The following ALG1 variants were observed in gnomAD, a reference collection of about 807,000 sequenced individuals.
The protein encoded by ALG1 is chitobiosyldiphosphodolichol beta-mannosyltransferase.
ALG1 carries 58 observed loss-of-function variants against 55.1 expected under a neutral mutation model. The ratio of observed to expected loss-of-function variants is 1.05; its 90% confidence interval spans 0.85 to 1.31. The LOEUF is 1.31. Ranked by LOEUF, ALG1 falls within the 50% of genes most tolerant of loss-of-function variation. The pLI is 0.00. For missense variants in ALG1, 761 were observed against 598.6 expected (o/e 1.27, Z -2.83); for synonymous variants, 309 against 247.0 (o/e 1.25, Z -2.35).
In ALG1 at chr16:5,082,635, C is replaced by T. The variant is rs1047732; in HGVS notation, c.1149C>T (p.Phe383=). Residue 383 remains phenylalanine (F), a synonymous_variant, in exon 11 of 13, where the codon TTC becomes TTT. Transcript: ENST00000262374. ...TGCCCATGAAGGTGGTGGACATGTT[C>T]GGGTGCTGTTTGCCTGTGTGTGCTG... ...LDLPMKVVDM[F]GCCLPVCAVN... is the part of the protein sequence containing the mutation. 0.52 allele frequency: 840,420 copies of T among 1,610,746 alleles called. 221,887 individuals are homozygous for T. The highest frequency in any genetic ancestry group is 0.65 in the South Asian group (59,491 of 90,910).
In ALG1 at chr16:5,072,981, A is replaced by G. The variant is rs199522859; in HGVS notation, c.239A>G (p.Asn80Ser). Residue 80 changes from asparagine (N) to serine (S), a missense_variant, in exon 2 of 13, where the codon AAC becomes AGC. By Grantham distance (46) the Asn-to-Ser change is conservative (BLOSUM62 1). Coordinates refer to ENST00000262374, the MANE Select transcript of ALG1 (RefSeq NM_019109.5). ...AAACCCCATGATGAGCTCTTGCAGA[A>G]CAACAGAATTCAGATTGTGGGGTTG... ...NSKPHDELLQ[N>S]NRIQIVGLTE... The G allele has an allele frequency of 4.3e-6, 7 of 1,614,204 alleles. No homozygotes were observed. The South Asian group carries it at 5.5e-5, about 13-fold the overall frequency.
chr16:5,084,638 G>T, intron 12 of ALG1, 112 bp from the exon 13 acceptor site: 1 of 1,502,158 alleles, frequency 6.7e-7, no homozygotes, highest in Non-Finnish European at 9.1e-7. Context: ...GAGGGAGTTA[G>T]GGACTTGGGA....
rs115004346 is a variant in ALG1 at position 5,075,714 on chromosome 16, G to C, written c.539+178G>C. ...AATGATAGAAACAGGCCTCAGCAAA[G>C]GACCACATTTTTTGGCCCATGAAAT... On this transcript the variant is annotated intron_variant, in intron 4 of 12. Transcript: ENST00000262374. Among the ~76,000 whole-genome samples, 213 of 152,314 alleles carry C rather than the reference G, an allele frequency of 1.4e-3. 1 individual carries two copies. Among genetic ancestry groups the C allele is most frequent in the African/African-American group, 4.8e-3 (198 of 41,570 alleles).
chr16:5,083,106 A>G (rs747582743), intron 11 of ALG1, among the ~76,000 whole-genome samples: 13 of 152,124 alleles, frequency 8.5e-5, no homozygotes, highest in Non-Finnish European at 1.3e-4. Context: ...GGTTTGAATC[A>G]GTTAAATGAG....
intron 10 of ALG1, among the ~76,000 whole-genome samples, chr16:5,081,452 T>C (rs1660106365): frequency 6.6e-6 from 1 of 152,220 alleles, no homozygotes; most frequent in Non-Finnish European, 1.5e-5. Flanking sequence ...TCTTTCCCCG[T>C]TGATTTCTCC....
chr16:5,080,049 T>A (rs1000486504), intron 9 of ALG1, among the ~76,000 whole-genome samples: 2 of 147,998 alleles, frequency 1.4e-5, no homozygotes, highest in African/African-American at 5.3e-5. Context: ...CATCTTTTTT[T>A]TGTTGTTGTT....
intron 1 of ALG1, 123 bp from the exon 2 acceptor site, chr16:5,072,828 A>G: frequency 1.1e-6 from 1 of 930,850 alleles, no homozygotes; most frequent in Middle Eastern, 2.9e-4. Context: ...AGTGAGGAGC[A>G]GAGAGAGGTT....
chr16:5,082,045 C>T (rs539248122), intron 10 of ALG1, among the ~76,000 whole-genome samples: 11 of 152,064 alleles, frequency 7.2e-5, no homozygotes, highest in South Asian at 6.2e-4. Flanking sequence ...CGGGTTCAAG[C>T]GATTCTCCTG....
chr16:5,084,879 T>G lies in ALG1; in HGVS notation c.1393T>G (p.Ter465GluextTer39). 1.9e-6 allele frequency: 3 copies of G among 1,592,850 alleles called. No individual in the cohort carries two copies. Among genetic ancestry groups the G allele is most frequent in the Middle Eastern group, 4.5e-4 (2 of 4,414 alleles). ...QTVLPLVMDT[*>E] is the part of the protein sequence containing the mutation. ...TGTGCTCCCTTTGGTTATGGACACATAACTCCTGGGCCAGAGGCTAAAACC... is the reference window on the plus strand; with the variant it reads ...TGTGCTCCCTTTGGTTATGGACACAGAACTCCTGGGCCAGAGGCTAAAACC... Residue 465 changes from the stop codon to glutamate (E), a stop_lost, in exon 13 of 13, where the codon TAA becomes GAA. Transcript: ENST00000262374.
intron 10 of ALG1, among the ~76,000 whole-genome samples, chr16:5,082,230 G>A (rs973443524): frequency 6.6e-6 from 1 of 152,152 alleles, no homozygotes; most frequent in Admixed American, 6.5e-5. Context: ...CAGGCAGGAG[G>A]TGAACCTGGG....
At chr16:5,074,595 A>G (rs1370712827) in intron 3 of ALG1, among the ~76,000 whole-genome samples, 1 of 152,210 alleles carries the variant, frequency 6.6e-6, no homozygotes, top group Non-Finnish European at 1.5e-5. Context: ...CAGCGAGCAT[A>G]TGCCTTTTGT....
intron 10 of ALG1, among the ~76,000 whole-genome samples, chr16:5,081,264 C>A (rs1168203644): frequency 6.6e-6 from 1 of 152,194 alleles, no homozygotes; most frequent in Admixed American, 6.5e-5. Context: ...GAGGAGGCCA[C>A]GTCCTTTCAG....
intron 1 of ALG1, 128 bp downstream of exon 1, chr16:5,072,185 A>T: frequency 7.1e-7 from 1 of 1,403,134 alleles, no homozygotes; most frequent in Non-Finnish European, 9.3e-7. Flanking sequence ...CCGAGATTAG[A>T]CGAGCGGTTC....
rs146854495 is a variant in ALG1 at position 5,075,051 on chromosome 16, G to A, written c.391-337G>A. ...CCTGAGTAGCTGGGGCTGCAGGTGTGTCCCACCACACCTGGCTAATTTTTA... is the reference window on the plus strand; with the variant it reads ...CCTGAGTAGCTGGGGCTGCAGGTGTATCCCACCACACCTGGCTAATTTTTA... On this transcript the variant is annotated intron_variant, in intron 3 of 12. Transcript: ENST00000262374. Among the ~76,000 whole-genome samples the A allele has an allele frequency of 3.5e-3, 531 of 152,132 alleles. 3 individuals carry two copies. Among genetic ancestry groups the A allele is most frequent in the African/African-American group, 0.012 (507 of 41,494 alleles).
chr16:5,071,962 TG>T lies in ALG1; in HGVS notation c.115del (p.Val39CysfsTer25), dbSNP rs886042130. The T allele has an allele frequency of 3.8e-6, 6 of 1,589,538 alleles. No individual in the cohort carries two copies. The highest frequency in any genetic ancestry group is 1.3e-5 in the African/African-American group (1 of 74,288). ...CGGGCGGCCCGGCATGTAGTAGCGG[TG>T]GTGCTGGGCGACGTGGGCCGCAGCC... ...RGRAARHVVA[V>X]VLGDVGRSPR... On this transcript the variant is annotated frameshift_variant, in exon 1 of 13. Transcript: ENST00000262374. LOFTEE classifies it high-confidence loss of function.
intron 3 of ALG1, 141 bp from the exon 4 acceptor site, chr16:5,075,247 G>A (rs1164570162): frequency 1.1e-6 from 1 of 948,806 alleles, no homozygotes; most frequent in African/African-American, 1.6e-5. Context: ...TTTGGTGGTG[G>A]AGAGGGTCTT....
rs1021454465 is a variant in ALG1, at chr16:5,086,681, T to C, written c.*1800T>C. On this transcript the variant is annotated 3_prime_UTR_variant, in exon 13 of 13. Coordinates refer to ENST00000262374, the MANE Select transcript of ALG1 (RefSeq NM_019109.5). ...GCTCCTGCCTCAGCCTCTTTTATTA[T>C]TTGTTTTTAGACGAAGTTTTACTCT... 3.3e-5 allele frequency: 5 copies of C among 152,098 alleles called. No homozygotes were observed. The highest frequency in any genetic ancestry group is 1.2e-4 in the African/African-American group (5 of 41,404). The allele number at this position is 152,098 out of a possible 1,614,324, so 9.4% of individuals were successfully genotyped here. A position where few individuals can be genotyped will look rare whatever the true frequency, so the allele number is the denominator to read the frequency against.
chr16:5,079,959 C>G (rs1241586382), intron 9 of ALG1, 152 bp downstream of exon 9: 1 of 1,068,038 alleles, frequency 9.4e-7, no homozygotes, highest in Non-Finnish European at 1.4e-6. Context: ...ATGGGGGAAA[C>G]TGAGGCTCAG....
intron 3 of ALG1, among the ~76,000 whole-genome samples, chr16:5,073,807 C>T (rs1467139961): frequency 4.6e-5 from 7 of 152,202 alleles, no homozygotes; most frequent in South Asian, 2.1e-4. Context: ...CTCTGCCTGC[C>T]GGGTTCAAGT....
Sources: gnomAD v4.1 joint callset for allele counts (sites outside exome capture counted in the v4.1 genomes callset) on GRCh38, gnomAD v4.1.1 for gene constraint, MANE v1.5 for transcripts, NCBI Gene and HGNC (gene_info 2026-07-23, HGNC 2026-07-21) for gene names.